The following CCDC3 variants were observed in gnomAD, a reference collection of about 807,000 sequenced individuals.
CCDC3 encodes coiled-coil domain-containing protein 3.
Under a neutral mutation model 21.4 loss-of-function variants are expected in CCDC3, and 24 were observed. That is an observed-to-expected ratio of 1.12 (90% CI 0.81 to 1.58). CCDC3 has a LOEUF of 1.58. Ranked by LOEUF, CCDC3 falls within the 40% of genes most tolerant of loss-of-function variation. The pLI, the probability that CCDC3 is intolerant of heterozygous loss-of-function variation, is 0.00. For missense variants in CCDC3, 425 were observed against 360.9 expected (o/e 1.18, Z -1.44); for synonymous variants, 186 against 166.0 (o/e 1.12, Z -0.93).
intron 5 of CCDC3, among the ~76,000 whole-genome samples, chr10:13,024,489 T>G (rs1238326274): frequency 2.6e-5 from 4 of 152,284 alleles, no homozygotes; most frequent in Non-Finnish European, 2.9e-5. Context: ...TTAATAGAGA[T>G]CTTGACCCTA....
intron 5 of CCDC3, among the ~76,000 whole-genome samples, chr10:13,014,904 G>T (rs1334077763): frequency 1.3e-5 from 2 of 152,096 alleles, no homozygotes; most frequent in Non-Finnish European, 2.9e-5. Flanking sequence ...AGAATCAACA[G>T]TCATATCAGG....
intron 2 of CCDC3, among the ~76,000 whole-genome samples, chr10:12,929,878 G>A (rs1272105789): frequency 1.3e-5 from 2 of 152,204 alleles, no homozygotes; most frequent in Admixed American, 6.5e-5. Context: ...ACCAAAGCAA[G>A]CTAAGAAATT....
intron 3 of CCDC3, among the ~76,000 whole-genome samples, chr10:13,086,847 G>T (rs954065803): frequency 6.6e-6 from 1 of 152,206 alleles, no homozygotes; most frequent in Non-Finnish European, 1.5e-5. Flanking sequence ...AGCGGCACCT[G>T]CCACCCAGAG....
intron 3 of CCDC3, among the ~76,000 whole-genome samples, chr10:13,087,027 A>G (rs1837120041): frequency 6.6e-6 from 1 of 152,238 alleles, no homozygotes; most frequent in Admixed American, 6.5e-5. Context: ...TCTCAGCTGT[A>G]TCCTAAAGCC....
chr10:12,933,705 G>A (rs938906637), intron 2 of CCDC3, among the ~76,000 whole-genome samples: 4 of 152,036 alleles, frequency 2.6e-5, no homozygotes, highest in East Asian at 1.9e-4. Context: ...TGATCCGCCC[G>A]ACTCGGCCTC....
At chr10:13,055,787 C>T (rs774170874) in intron 4 of CCDC3, among the ~76,000 whole-genome samples, 5 of 152,184 alleles carry the variant, frequency 3.3e-5, no homozygotes, top group African/African-American at 4.8e-5. Flanking sequence ...TACTCATAAA[C>T]AAATTTGACC....
intron 2 of CCDC3, among the ~76,000 whole-genome samples, chr10:12,989,053 C>A (rs1198758375): frequency 2.0e-5 from 3 of 152,338 alleles, no homozygotes; most frequent in African/African-American, 4.8e-5. Flanking sequence ...GATCGAGCCC[C>A]CTCAATCCAG....
chr10:12,898,351 G>A lies in CCDC3; in HGVS notation c.*65C>T, dbSNP rs1485296925. ...CAACCCTTGAAATAGCTGCATGTAC[G>A]AAACCTCACTCATTCTCAATTACCG... On this transcript the variant is annotated 3_prime_UTR_variant, in exon 3 of 3. Coordinates refer to ENST00000378825, the MANE Select transcript of CCDC3 (RefSeq NM_031455.4). 15 of 1,471,904 alleles carry A rather than the reference G, an allele frequency of 1.0e-5. No individual in the cohort carries two copies. Among genetic ancestry groups the A allele is most frequent in the African/African-American group, 2.8e-5 (2 of 70,742 alleles). The allele number at this position is 1,471,904 out of a possible 1,614,324, so 91.2% of individuals were successfully genotyped here.
chr10:12,988,907 T>C (rs1256905074), intron 2 of CCDC3, among the ~76,000 whole-genome samples: 1 of 152,232 alleles, frequency 6.6e-6, no homozygotes, highest in Non-Finnish European at 1.5e-5. Context: ...TGGCTCTACT[T>C]GGCCAATCAA....
Position 12,960,051 on chromosome 10 carries a change from G to A in CCDC3, c.549+38287C>T, listed in dbSNP as rs578181982. Among the ~76,000 whole-genome samples, 134 of 152,288 alleles carry A rather than the reference G, an allele frequency of 8.8e-4. 1 individual carries two copies. The highest frequency in any genetic ancestry group is 3.0e-3 in the African/African-American group (124 of 41,558). ...TGCCTGGAATCCCAGCTACTTGGGA[G>A]GCTGAGGCAGAAGAATCACTTGAAC... On this transcript the variant is annotated intron_variant, in intron 2 of 2. Coordinates refer to ENST00000378825, the MANE Select transcript of CCDC3 (RefSeq NM_031455.4).
At chr10:12,959,794 C>T (rs1028460901) in intron 2 of CCDC3, among the ~76,000 whole-genome samples, 3 of 152,118 alleles carry the variant, frequency 2.0e-5, no homozygotes, top group East Asian at 1.9e-4. Flanking sequence ...CTTACCATTG[C>T]GTCCCATGGC....
At chr10:13,032,212 C>T (rs1372995275) in intron 5 of CCDC3, among the ~76,000 whole-genome samples, 8 of 152,164 alleles carry the variant, frequency 5.3e-5, no homozygotes, top group African/African-American at 1.9e-4. Flanking sequence ...AAACATAATC[C>T]GTCACATAAA....
chr10:12,908,232 C>T (rs1165196238), intron 2 of CCDC3, among the ~76,000 whole-genome samples: 1 of 152,206 alleles, frequency 6.6e-6, no homozygotes, highest in Admixed American at 6.5e-5. Context: ...AAGGGTGGTT[C>T]TGGTTAAAAA....
intron 2 of CCDC3, among the ~76,000 whole-genome samples, chr10:12,919,057 A>AAAAAC (rs139240418): frequency 1.3e-5 from 2 of 152,070 alleles, no homozygotes; most frequent in Non-Finnish European, 2.9e-5. Flanking sequence ...CCCCATCTCG[A>AAAAAC]AAAACAAAAC....
intron 5 of CCDC3, among the ~76,000 whole-genome samples, chr10:13,025,983 C>A (rs111778456): frequency 6.6e-6 from 1 of 152,112 alleles, no homozygotes; most frequent in African/African-American, 2.4e-5. Context: ...GAGTTCAAGA[C>A]CAGCCTGGCC....
At chr10:13,067,519 G>C (rs1001988104) in intron 4 of CCDC3, among the ~76,000 whole-genome samples, 3 of 152,114 alleles carry the variant, frequency 2.0e-5, no homozygotes, top group African/African-American at 7.2e-5. Flanking sequence ...CAGTCTTGTG[G>C]GCTTTGCATG....
chr10:12,917,354 C>T (rs769890598), intron 2 of CCDC3, among the ~76,000 whole-genome samples: 26 of 151,926 alleles, frequency 1.7e-4, no homozygotes, highest in Non-Finnish European at 3.4e-4. Flanking sequence ...CCACCATACC[C>T]GGCTAATTTT....
chr10:12,913,574 C>A (rs901654727), intron 2 of CCDC3, among the ~76,000 whole-genome samples: 2 of 152,222 alleles, frequency 1.3e-5, no homozygotes, highest in Admixed American at 6.5e-5. Flanking sequence ...CCCTTCATTT[C>A]TTTCTCTTGC....
intron 3 of CCDC3, among the ~76,000 whole-genome samples, chr10:13,096,191 C>G (rs7069139): frequency 6.8e-6 from 1 of 147,280 alleles, no homozygotes; most frequent in South Asian, 2.2e-4. Context: ...CTCTCTCTCT[C>G]TCTTTCTTTT....
Sources: gnomAD v4.1 joint callset for allele counts (sites outside exome capture counted in the v4.1 genomes callset) on GRCh38, gnomAD v4.1.1 for gene constraint, MANE v1.5 for transcripts, NCBI Gene and HGNC (gene_info 2026-07-23, HGNC 2026-07-21) for gene names.